The following DHRSX variants were observed in gnomAD, a reference collection of about 807,000 sequenced individuals.
The protein encoded by DHRSX is polyprenol dehydrogenase.
DHRSX carries 31 observed loss-of-function variants against 34.0 expected under a neutral mutation model. That is an observed-to-expected ratio of 0.91 (90% CI 0.69 to 1.23). The LOEUF is 1.23. Ranked by LOEUF, DHRSX falls within the 50% of genes most tolerant of loss-of-function variation. DHRSX has a pLI of 0.00. For missense variants in DHRSX, 414 were observed against 428.1 expected, an observed-to-expected ratio of 0.97 and a Z score of 0.29; for synonymous variants, 201 against 183.8, an observed-to-expected ratio of 1.09 and a Z score of -0.76.
Position 2,453,378 on chromosome X carries a change from A to C in DHRSX, c.110-28074T>G, listed in dbSNP as rs771349927. Among the ~76,000 whole-genome samples, 172 of 152,188 alleles carry C rather than the reference A, an allele frequency of 1.1e-3. 1 individual carries two copies. Among genetic ancestry groups the C allele is most frequent in the African/African-American group, 3.9e-3 (160 of 41,526 alleles). ...ATGAAACCCCATCTCTAAAAAAAAAAAACAAAAAATTAGCTGGGTATGGTG... is the reference window on the plus strand; with the variant it reads ...ATGAAACCCCATCTCTAAAAAAAAACAACAAAAAATTAGCTGGGTATGGTG... On this transcript the variant is annotated intron_variant, in intron 1 of 6. Transcript: ENST00000334651.
intron 2 of DHRSX, among the ~76,000 whole-genome samples, chrX:2,419,181 G>A (rs1466534870): frequency 2.0e-5 from 3 of 152,056 alleles, no homozygotes; most frequent in Non-Finnish European, 2.9e-5. Flanking sequence ...GAGGCTTTGC[G>A]GGATGATTAG....
rs1376282701 is a variant in DHRSX, at chrX:2,291,982, C to T, written c.287-379G>A. ...CTCAAACTCTTGACCTCAGGTGATC[C>T]GCCCGCCTCAGCCTCCCAAAGTGCT... is the stretch of plus-strand genomic sequence containing the variant. On this transcript the variant is annotated intron_variant, in intron 3 of 6. Coordinates refer to ENST00000334651, the MANE Select transcript of DHRSX (RefSeq NM_145177.3). Among the ~76,000 whole-genome samples, 6 of 149,760 alleles carry T rather than the reference C, an allele frequency of 4.0e-5. No homozygotes were observed. The East Asian group carries it at 5.8e-4, about 15-fold the overall frequency.
intron 3 of DHRSX, among the ~76,000 whole-genome samples, chrX:2,343,396 A>G (rs1167301375): frequency 6.6e-6 from 1 of 152,164 alleles, no homozygotes; most frequent in East Asian, 1.9e-4. Context: ...CCTTAGAAAA[A>G]GATTCCATGT....
intron 3 of DHRSX, among the ~76,000 whole-genome samples, chrX:2,392,996 A>G (rs2043353913): frequency 6.9e-6 from 1 of 145,192 alleles, no homozygotes; most frequent in African/African-American, 2.5e-5. Context: ...ATATATATAC[A>G]TTACAAAATG....
rs1168019948 is a variant in DHRSX at position 2,330,528 on chromosome X, AAAAAG to A, written c.287-38930_287-38926del. Among the ~76,000 whole-genome samples the A allele has an allele frequency of 4.0e-5, 6 of 148,662 alleles. No individual in the cohort carries two copies. The East Asian group carries it at 6.0e-4, about 15-fold the overall frequency. On this transcript the variant is annotated intron_variant, in intron 3 of 6. Coordinates refer to ENST00000334651, the MANE Select transcript of DHRSX (RefSeq NM_145177.3). The stretch of plus-strand genomic sequence containing the variant: ...GAGTGAGACTCCGTGAAAGAAAAAA[AAAAAG>A]AAAAGAAAAGGGAAGGGAAGGGAGG...
intron 2 of DHRSX, among the ~76,000 whole-genome samples, chrX:2,417,700 C>T (rs1698775752): frequency 6.6e-6 from 1 of 151,960 alleles, no homozygotes; most frequent in Non-Finnish European, 1.5e-5. Flanking sequence ...CCACACATCA[C>T]CATGATCTGA....
intron 1 of DHRSX, among the ~76,000 whole-genome samples, chrX:2,462,374 C>A (rs2044414935): frequency 6.6e-6 from 1 of 151,950 alleles, no homozygotes; most frequent in Non-Finnish European, 1.5e-5. Context: ...GGCAAAAGAG[C>A]AATAATATTT....
At chrX:2,338,047 C>A (rs2042592129) in intron 3 of DHRSX, 1 of 149,432 alleles carries the variant, frequency 6.7e-6, no homozygotes, top group Non-Finnish European at 1.5e-5. Context: ...AAATAACAAT[C>A]CCAGGCCAGG....
intron 3 of DHRSX, among the ~76,000 whole-genome samples, chrX:2,360,763 C>T (rs7392418): frequency 0.11 from 17,343 of 151,942 alleles, 1,551 homozygotes; most frequent in East Asian, 0.24. Flanking sequence ...TACCGAGACA[C>T]GGCCCGATGT....
At chrX:2,418,634 A>G (rs2043727945) in intron 2 of DHRSX, among the ~76,000 whole-genome samples, 1 of 152,178 alleles carries the variant, frequency 6.6e-6, no homozygotes, top group Non-Finnish European at 1.5e-5. Flanking sequence ...GAGCCCTCCC[A>G]TCTTTGTTCA....
chrX:2,495,566 G>A (rs748163261), intron 1 of DHRSX, among the ~76,000 whole-genome samples: 1 of 151,880 alleles, frequency 6.6e-6, no homozygotes, highest in African/African-American at 2.4e-5. Context: ...GGATTCCCAG[G>A]TAAAGAACCG....
At chrX:2,370,607 A>AAAAAAAAAAAAAAAC (rs2043046268) in intron 3 of DHRSX, among the ~76,000 whole-genome samples, 1 of 151,668 alleles carries the variant, frequency 6.6e-6, no homozygotes, top group African/African-American at 2.4e-5. Context: ...AAAAAAAAAA[A>AAAAAAAAAAAAAAAC]ATTCCCTTCC....
rs765808444 is a variant in DHRSX at position 2,492,306 on chromosome X, C to T, written c.109+8511G>A. Among the ~76,000 whole-genome samples, 21 of 152,200 alleles carry T rather than the reference C, an allele frequency of 1.4e-4. 1 individual carries two copies. Among genetic ancestry groups the T allele is most frequent in the African/African-American group, 5.1e-4 (21 of 41,524 alleles). On this transcript the variant is annotated intron_variant, in intron 1 of 6. Coordinates refer to ENST00000334651, the MANE Select transcript of DHRSX (RefSeq NM_145177.3). Reference sequence around the variant, plus strand: ...TTAATAGAAGACAGATGAGGAGACACGGACACACAGGAGAAGACCACATGG... The same window carrying T: ...TTAATAGAAGACAGATGAGGAGACATGGACACACAGGAGAAGACCACATGG...
intron 6 of DHRSX, among the ~76,000 whole-genome samples, chrX:2,221,997 G>A (rs1216274048): frequency 6.6e-6 from 1 of 152,182 alleles, no homozygotes; most frequent in Non-Finnish European, 1.5e-5. Context: ...AGATGTTTCA[G>A]AAGTTGTCTC....
chrX:2,415,266 T>C (rs778347691), intron 2 of DHRSX, among the ~76,000 whole-genome samples: 2 of 151,826 alleles, frequency 1.3e-5, no homozygotes, highest in African/African-American at 2.4e-5. Context: ...GATCTCATCA[T>C]GACCTAATAC....
intron 1 of DHRSX, among the ~76,000 whole-genome samples, chrX:2,485,960 G>A (rs950827352): frequency 4.6e-5 from 7 of 151,806 alleles, no homozygotes; most frequent in East Asian, 1.9e-4. Flanking sequence ...CTGAAGAAGA[G>A]AGGGAGGGTT....
chrX:2,485,982 G>A (rs974953567), intron 1 of DHRSX, among the ~76,000 whole-genome samples: 5 of 151,696 alleles, frequency 3.3e-5, no homozygotes, highest in Non-Finnish European at 5.9e-5. Context: ...GACGGAAGGA[G>A]GAGGGAAGGA....
intron 3 of DHRSX, among the ~76,000 whole-genome samples, chrX:2,364,485 A>G (rs1274720005): frequency 6.6e-6 from 1 of 152,142 alleles, no homozygotes; most frequent in African/African-American, 2.4e-5. Flanking sequence ...CTGTGTGCCT[A>G]TCATCCAACT....
At chrX:2,345,131 C>G (rs1196588955) in intron 3 of DHRSX, among the ~76,000 whole-genome samples, 1 of 151,676 alleles carries the variant, frequency 6.6e-6, no homozygotes, top group Non-Finnish European at 1.5e-5. Context: ...AAATACTGCC[C>G]AACTTGTGTT....
Sources: gnomAD v4.1 joint callset for allele counts (sites outside exome capture counted in the v4.1 genomes callset) on GRCh38, gnomAD v4.1.1 for gene constraint, MANE v1.5 for transcripts, NCBI Gene and HGNC (gene_info 2026-07-23, HGNC 2026-07-21) for gene names.